ERCC6L2: variants seen among roughly 807,000 people sequenced by gnomAD.
The protein encoded by ERCC6L2 is ERCC excision repair 6 like 2.
ERCC6L2 carries 77 observed loss-of-function variants against 132.0 expected under a neutral mutation model. The ratio of observed to expected loss-of-function variants is 0.58; its 90% CI spans 0.49 to 0.71. The LOEUF (loss-of-function observed/expected upper bound fraction) is 0.71, where lower values mean the gene tolerates loss of function less well. Ranked by LOEUF, ERCC6L2 falls within the 30% of genes least tolerant of loss-of-function variation. The probability of loss-of-function intolerance (pLI) is 0.00; values close to 1 mark genes in which losing one functional copy is unlikely to be tolerated. For synonymous variants in ERCC6L2, 583 were observed against 632.4 expected, an observed-to-expected ratio of 0.92 and a Z score of 1.17; for missense variants, 1,542 against 1,837.6, an observed-to-expected ratio of 0.84 and a Z score of 2.94.
intron 4 of ERCC6L2, among the ~76,000 whole-genome samples, chr9:95,911,570 GC>G (rs1291891823): frequency 2.0e-5 from 3 of 151,964 alleles, no homozygotes; most frequent in Admixed American, 6.6e-5. Flanking sequence ...TTGTTCAAAT[GC>G]CTTTATTTTG....
At chr9:95,892,424 C>CT (rs532088236) in intron 2 of ERCC6L2, among the ~76,000 whole-genome samples, 37,206 of 115,088 alleles carry the variant, frequency 0.32, 6,229 homozygotes, top group South Asian at 0.41. Context: ...GTGTATAAAT[C>CT]TTTTTTTTTT....
intron 1 of ERCC6L2, among the ~76,000 whole-genome samples, chr9:95,877,804 A>T (rs190440951): frequency 6.8e-5 from 10 of 146,026 alleles, no homozygotes; most frequent in African/African-American, 2.5e-4. Flanking sequence ...ACTCTTGTCT[A>T]AAAAAAAAAA....
intron 17 of ERCC6L2, among the ~76,000 whole-genome samples, chr9:95,983,577 C>G (rs1342090407): frequency 6.6e-6 from 1 of 152,200 alleles, no homozygotes; most frequent in East Asian, 1.9e-4. Flanking sequence ...CTTAACAGCC[C>G]TTTTCAAATT....
rs370249357 is a variant in ERCC6L2 at position 95,881,209 on chromosome 9, A to T, written c.387A>T (p.Glu129Asp). 8 of 1,607,360 alleles carry T rather than the reference A, an allele frequency of 5.0e-6. No individual in the cohort carries two copies. The highest frequency in any genetic ancestry group is 5.9e-6 in the Non-Finnish European group (7 of 1,178,452). Residue 129 changes from glutamate (E) to aspartate (D), a missense_variant, in exon 2 of 19, where the codon GAA becomes GAT. This residue lies in a region of ERCC6L2 where 945 missense variants were observed against 1,105.2 expected (regional missense o/e 0.86). Coordinates refer to ENST00000653738, the MANE Select transcript of ERCC6L2 (RefSeq NM_020207.7). ...INRYLRDYQR[E>D]GTRFLYGHYI... Reference sequence around the variant, plus strand: ...GGTATTTGAGAGACTACCAAAGAGAAGGAACCCGGTTTCTTTATGGACACT... The same window carrying T: ...GGTATTTGAGAGACTACCAAAGAGATGGAACCCGGTTTCTTTATGGACACT...
chr9:95,936,644 C>A (rs1272663206), intron 11 of ERCC6L2, among the ~76,000 whole-genome samples: 1 of 152,108 alleles, frequency 6.6e-6, no homozygotes, highest in African/African-American at 2.4e-5. Context: ...ACCCAGTTCC[C>A]CCAATGTAAT....
intron 17 of ERCC6L2, among the ~76,000 whole-genome samples, chr9:95,982,921 G>C (rs983941921): frequency 6.6e-6 from 1 of 152,116 alleles, no homozygotes; most frequent in Non-Finnish European, 1.5e-5. Context: ...TGGAGGCTAC[G>C]AGAAGCTGTG....
At chr9:95,971,905 G>C (rs1037707473) in intron 15 of ERCC6L2, 28 bp from the exon 16 acceptor site, 1 of 1,237,562 alleles carries the variant, frequency 8.1e-7, no homozygotes, top group Non-Finnish European at 1.0e-6. Context: ...GAGGTTTTCT[G>C]ATGTTTTTGT....
intron 4 of ERCC6L2, among the ~76,000 whole-genome samples, chr9:95,915,041 A>G (rs1829515397): frequency 6.6e-6 from 1 of 152,188 alleles, no homozygotes; most frequent in South Asian, 2.1e-4. Flanking sequence ...ACAATGCTCA[A>G]ATATTCCAAT....
intron 12 of ERCC6L2, among the ~76,000 whole-genome samples, chr9:95,954,271 C>CT (rs960295916): frequency 6.6e-6 from 1 of 151,902 alleles, no homozygotes; most frequent in Non-Finnish European, 1.5e-5. Context: ...AAATTTCCCC[C>CT]TTTTTTTTGA....
chr9:96,003,326 A>T (rs1453636702), intron 17 of ERCC6L2, among the ~76,000 whole-genome samples: 2 of 152,102 alleles, frequency 1.3e-5, no homozygotes, highest in Admixed American at 6.5e-5. Context: ...CCTCATTGAG[A>T]TCTATGGTTT....
chr9:96,000,916 C>T (rs1355468693), intron 17 of ERCC6L2, among the ~76,000 whole-genome samples: 2 of 152,174 alleles, frequency 1.3e-5, no homozygotes, highest in African/African-American at 4.8e-5. Flanking sequence ...TGGACCCTCG[C>T]GGTGAGTGTT....
At chr9:95,899,578 CT>C (rs1230320893) in intron 3 of ERCC6L2, among the ~76,000 whole-genome samples, 6 of 146,200 alleles carry the variant, frequency 4.1e-5, no homozygotes, top group East Asian at 2.0e-4. Context: ...TCCTTTCTTT[CT>C]TTTTTTCTCT....
In ERCC6L2 at chr9:95,913,159, G is replaced by A. The variant is rs571262364; in HGVS notation, c.789-2509G>A. Among the ~76,000 whole-genome samples the A allele has an allele frequency of 7.2e-5, 11 of 152,260 alleles. No individual in the cohort carries two copies. In the South Asian group the frequency reaches 2.3e-3, roughly 32 times the overall value. On this transcript the variant is annotated intron_variant, in intron 4 of 18. Transcript: ENST00000653738. Reference sequence around the variant, plus strand: ...TGGTATCCCTCAATCCTTTTACTTAGTAGTATTAGCACATACAAATTGTTC... The same window carrying A: ...TGGTATCCCTCAATCCTTTTACTTAATAGTATTAGCACATACAAATTGTTC...
chr9:95,990,598 G>A (rs1260120695), intron 17 of ERCC6L2, among the ~76,000 whole-genome samples: 1 of 152,188 alleles, frequency 6.6e-6, no homozygotes, highest in African/African-American at 2.4e-5. Context: ...TCAGCCCGCT[G>A]CTGGCCACTG....
At position 96,013,188 on chromosome 9, in the gene ERCC6L2, A is replaced by G; in HGVS notation, c.4638A>G (p.Thr1546=). The change falls in exon 19 of 19, where the codon ACA becomes ACG. Residue 1546 remains threonine (T), a synonymous_variant. Transcript: ENST00000653738. ...ATACAGATGAAAACGCAACCAATAC[A>G]CAGAGTACCACATAAGCATATAAAT... is the stretch of plus-strand genomic sequence containing the variant. ...PSDTDENATN[T]QSTT The G allele has an allele frequency of 7.3e-7, 1 of 1,361,806 alleles. No homozygotes were observed. Among genetic ancestry groups the G allele is most frequent in the Non-Finnish European group, 9.8e-7 (1 of 1,019,960 alleles). The allele number at this position is 1,361,806 out of a possible 1,614,324, so 84.4% of individuals were successfully genotyped here. A position where few individuals can be genotyped will look rare whatever the true frequency, so the allele number is the denominator to read the frequency against.
intron 2 of ERCC6L2, among the ~76,000 whole-genome samples, chr9:95,890,118 T>G (rs1231099643): frequency 1.3e-5 from 2 of 152,198 alleles, no homozygotes; most frequent in Non-Finnish European, 2.9e-5. Flanking sequence ...GATTTCATAC[T>G]ACTGAATGAT....
intron 5 of ERCC6L2, 23 bp from the exon 6 acceptor site, chr9:95,916,204 T>A: frequency 6.2e-7 from 1 of 1,603,682 alleles, no homozygotes; most frequent in Non-Finnish European, 8.5e-7. Flanking sequence ...AGCCCTTACA[T>A]TTTTCTTATT....
chr9:95,989,590 T>C (rs761195548), intron 17 of ERCC6L2, among the ~76,000 whole-genome samples: 18 of 152,218 alleles, frequency 1.2e-4, no homozygotes, highest in Non-Finnish European at 2.2e-4. Flanking sequence ...ATTAGAGAAG[T>C]GTGATCTAGT....
At chr9:96,019,554 A>G (rs55810950), downstream of ERCC6L2, among the ~76,000 whole-genome samples, 13,350 of 152,108 alleles carry the variant, frequency 0.088, 662 homozygotes, top group Admixed American at 0.13. Context: ...ACCAAGCTCA[A>G]TGGAGCCTCA....
Sources: gnomAD v4.1 joint callset for allele counts (sites outside exome capture counted in the v4.1 genomes callset) on GRCh38, gnomAD v4.1.1 for gene constraint, gnomAD v4.1.1 regional missense constraint, MANE v1.5 for transcripts, NCBI Gene and HGNC (gene_info 2026-07-23, HGNC 2026-07-21) for gene names.